STRADA: variants seen among roughly 807,000 people sequenced by gnomAD.
STRADA encodes STE20-related kinase adapter protein alpha.
STRADA carries 26 observed loss-of-function variants against 55.0 expected under a neutral mutation model. That is an observed-to-expected ratio of 0.47 (90% CI 0.35 to 0.66). The LOEUF is 0.66. STRADA is among the 30% of genes least tolerant of loss of function. The pLI is 0.01. For missense variants in STRADA, 443 were observed against 549.7 expected, an observed-to-expected ratio of 0.81 and a Z score of 1.94; for synonymous variants, 197 against 210.9, an observed-to-expected ratio of 0.93 and a Z score of 0.57.
chr17:63,715,075 T>C lies in STRADA; in HGVS notation c.124-967A>G, dbSNP rs2036765202. Reference sequence around the variant, plus strand: ...AGGCAGAAAAAGTCCTTTGTGAAAGTATGAGAGGCTCCTGACCCAGCACTA... The same window carrying C: ...AGGCAGAAAAAGTCCTTTGTGAAAGCATGAGAGGCTCCTGACCCAGCACTA... On this transcript the variant is annotated intron_variant, in intron 4 of 12. Transcript: ENST00000336174. The C allele has an allele frequency of 2.0e-5, 3 of 152,196 alleles. No homozygotes were observed. In the South Asian group the frequency reaches 6.2e-4, roughly 32 times the overall value. 9.4% of individuals were successfully genotyped at this position (152,196 alleles called of 1,614,324 possible). A position where few individuals can be genotyped will look rare whatever the true frequency, so the allele number is the denominator to read the frequency against.
intron 2 of STRADA, chr17:63,726,931 A>T: frequency 1.8e-6 from 1 of 567,274 alleles, no homozygotes; most frequent in Admixed American, 3.3e-5. Context: ...GATGAGAAAT[A>T]GATAGTACTG....
intron 12 of STRADA, 47 bp downstream of exon 12, chr17:63,703,958 T>TTAGAACCAGAAC: frequency 6.3e-7 from 1 of 1,590,166 alleles, no homozygotes; most frequent in Non-Finnish European, 8.6e-7. Context: ...TTGTGAGTTG[T>TTAGAACCAGAAC]TAGAACCAGA....
At chr17:63,739,140 CAAAAAAAAAAAAA>C (rs35963636) in intron 1 of STRADA, among the ~76,000 whole-genome samples, 1 of 69,378 alleles carries the variant, frequency 1.4e-5, no homozygotes, top group African/African-American at 5.7e-5. Flanking sequence ...GACTCCATCT[CAAAAAAAAAAAAA>C]AAAAAAAAAA....
chr17:63,739,322 G>A (rs2038694039), intron 1 of STRADA, among the ~76,000 whole-genome samples: 1 of 152,016 alleles, frequency 6.6e-6, no homozygotes, highest in Non-Finnish European at 1.5e-5. Flanking sequence ...GCTCTACCTA[G>A]TGATTAGCAG....
chr17:63,716,046 T>C (rs2036852396), intron 4 of STRADA, among the ~76,000 whole-genome samples: 1 of 152,100 alleles, frequency 6.6e-6, no homozygotes, highest in African/African-American at 2.4e-5. Flanking sequence ...TGCCAAATTA[T>C]TTTCCAAAAT....
rs540652860 is a variant in STRADA, at chr17:63,739,025, C to T, written c.-45+2716G>A. ...AAAATTAGCCGGGTATGGTGGCGGG[C>T]GCCTGTAGTCCCAGCTACTTGGGAG... is the stretch of plus-strand genomic sequence containing the variant. On this transcript the variant is annotated intron_variant, in intron 1 of 12. Transcript: ENST00000336174. Among the ~76,000 whole-genome samples the T allele has an allele frequency of 7.4e-5, 11 of 149,058 alleles. No homozygotes were observed. In the East Asian group the frequency reaches 1.2e-3, roughly 16 times the overall value.
chr17:63,704,964 C>T, intron 10 of STRADA: 1 of 1,490,156 alleles, frequency 6.7e-7, no homozygotes, highest in Non-Finnish European at 9.0e-7. Flanking sequence ...GTCTGCCATG[C>T]TCAGGTGGAT....
chr17:63,729,404 G>A (rs926528901), intron 1 of STRADA, among the ~76,000 whole-genome samples: 5 of 152,006 alleles, frequency 3.3e-5, no homozygotes, highest in African/African-American at 4.8e-5. Flanking sequence ...TACCAACATA[G>A]CTCTGGCATA....
chr17:63,704,619 G>GTT (rs763087173), intron 10 of STRADA, 37 bp from the exon 11 acceptor site: 1 of 1,264,314 alleles, frequency 7.9e-7, no homozygotes, highest in Non-Finnish European at 1.0e-6. Context: ...GCTGTAGCGG[G>GTT]TGGGGGGGGG....
At chr17:63,727,157 T>G (rs1484991166) in intron 2 of STRADA, 1 of 160,826 alleles carries the variant, frequency 6.2e-6, no homozygotes, top group Non-Finnish European at 1.4e-5. Flanking sequence ...CTAGGGGTTC[T>G]AAAGACATGG....
intron 1 of STRADA, among the ~76,000 whole-genome samples, chr17:63,740,093 T>TAG: frequency 1.4e-5 from 1 of 71,844 alleles, no homozygotes. Flanking sequence ...ACACTATATA[T>TAG]ATATATATAT....
chr17:63,709,881 A>G lies in STRADA; in HGVS notation c.581+610T>C, dbSNP rs111319921. On this transcript the variant is annotated intron_variant, in intron 8 of 12. Coordinates refer to ENST00000336174, the MANE Select transcript of STRADA (RefSeq NM_001003787.4). The stretch of plus-strand genomic sequence containing the variant: ...GGGGCACAGAAAGAAGGAGGCAGAG[A>G]GTGGAGTACAAAGGTCCACATCAGA... Among the ~76,000 whole-genome samples, 405 of 152,234 alleles carry G rather than the reference A, an allele frequency of 2.7e-3. 2 individuals are homozygous for G. Among genetic ancestry groups the G allele is most frequent in the African/African-American group, 9.6e-3 (397 of 41,528 alleles).
At position 63,728,411 on chromosome 17, in the gene STRADA, A is replaced by T. The variant is rs747308130; in HGVS notation, c.-42T>A. 6.4e-7 allele frequency: 1 copy of T among 1,556,520 alleles called. No individual in the cohort carries two copies. The highest frequency in any genetic ancestry group is 1.2e-5 in the South Asian group (1 of 84,760). On this transcript the variant is annotated splice_region_variant and 5_prime_UTR_variant, in exon 2 of 13. Coordinates refer to ENST00000336174, the MANE Select transcript of STRADA (RefSeq NM_001003787.4). ...GGCCTACTTCAGTTTCAAAAACTTA[A>T]ACCTAAAAGGAAAATAGAAACAGGT... is the stretch of plus-strand genomic sequence containing the variant.
chr17:63,724,958 AGGTACC>A (rs2037545093), intron 3 of STRADA, among the ~76,000 whole-genome samples: 1 of 152,118 alleles, frequency 6.6e-6, no homozygotes, highest in Non-Finnish European at 1.5e-5. Context: ...GGAAAATAAT[AGGTACC>A]ACCTAGTAAC....
chr17:63,740,127 T>TATACACACAC (rs1246578359), intron 1 of STRADA, among the ~76,000 whole-genome samples: 1 of 53,160 alleles, frequency 1.9e-5, no homozygotes, highest in Non-Finnish European at 3.3e-5. Context: ...CATATATATA[T>TATACACACAC]ACACATACAT....
intron 4 of STRADA, among the ~76,000 whole-genome samples, chr17:63,719,291 AG>A (rs1250768516): frequency 2.0e-5 from 3 of 152,214 alleles, no homozygotes; most frequent in Non-Finnish European, 4.4e-5. Context: ...ATTTTTCAGT[AG>A]GTAACAATAT....
rs61734987 is a variant in STRADA, at chr17:63,710,590, G to A, written c.482C>T (p.Thr161Ile). 2.1e-4 allele frequency: 336 copies of A among 1,614,052 alleles called. 1 individual carries two copies. In the African/African-American group the frequency reaches 4.1e-3, roughly 20 times the overall value. The change falls in exon 8 of 13, where the codon ACA becomes ATA. Residue 161 changes from threonine (T) to isoleucine (I), a missense_variant. Coordinates refer to ENST00000336174, the MANE Select transcript of STRADA (RefSeq NM_001003787.4). The part of the protein sequence containing the change: ...AYGSAKDLIC[T>I]HFMDGMNELA... The stretch of plus-strand genomic sequence containing the variant: ...CTCATTCATGCCATCCATGAAGTGT[G>A]TACAGATGAGATCTTTTGCAGAACC...
intron 10 of STRADA, chr17:63,706,346 T>G (rs2036087896): frequency 7.0e-6 from 2 of 283,802 alleles, no homozygotes; most frequent in African/African-American, 4.3e-5. Flanking sequence ...TTATAAAAAC[T>G]AGTTAGCTTA....
chr17:63,727,006 C>G (rs923683007), intron 2 of STRADA: 22 of 341,914 alleles, frequency 6.4e-5, no homozygotes, highest in Non-Finnish European at 1.2e-4. Flanking sequence ...TTCTACATTA[C>G]AGATGCCTTG....
Sources: gnomAD v4.1 joint callset for allele counts (sites outside exome capture counted in the v4.1 genomes callset) on GRCh38, gnomAD v4.1.1 for gene constraint, MANE v1.5 for transcripts, NCBI Gene and HGNC (gene_info 2026-07-23, HGNC 2026-07-21) for gene names.